Variants in CSMD1 observed in about 807,000 individuals in gnomAD.
CSMD1 encodes CUB and Sushi multiple domains 1.
A neutral mutation model predicts 417.5 loss-of-function variants in CSMD1; 213 were observed. The observed-to-expected ratio is 0.51, with a 90% CI of 0.46 to 0.57. The LOEUF is 0.57. Ranked by LOEUF, CSMD1 falls within the 20% of genes least tolerant of loss-of-function variation. The pLI, the probability that CSMD1 is intolerant of heterozygous loss-of-function variation, is 0.00. For synonymous variants in CSMD1, 2,862 were observed against 1,736.8 expected, an observed-to-expected ratio of 1.65 and a Z score of -16.11; for missense variants, 6,923 against 4,529.7, an observed-to-expected ratio of 1.53 and a Z score of -15.17.
chr8:3,242,485 A>T (rs914799511), intron 26 of CSMD1, among the ~76,000 whole-genome samples: 1 of 152,120 alleles, frequency 6.6e-6, no homozygotes, highest in Non-Finnish European at 1.5e-5. Flanking sequence ...CCATTTGCCC[A>T]TTCTATGCCA....
chr8:4,143,776 G>T lies in CSMD1; in HGVS notation c.416-111677C>A, dbSNP rs543771826. Among the ~76,000 whole-genome samples the T allele has an allele frequency of 1.1e-4, 16 of 151,384 alleles. No individual in the cohort carries two copies. The South Asian group carries it at 1.2e-3, about 12-fold the overall frequency. On this transcript the variant is annotated intron_variant, in intron 3 of 69. Coordinates refer to ENST00000635120, the MANE Select transcript of CSMD1 (RefSeq NM_033225.6). ...TATTAAAGCCAGAAAGCACTTCACAGGGTGGGAGGGGGCCCAAGCAAGCTG... is the reference window on the plus strand; with the variant it reads ...TATTAAAGCCAGAAAGCACTTCACATGGTGGGAGGGGGCCCAAGCAAGCTG...
At chr8:3,350,123 C>T (rs36175069) in intron 21 of CSMD1, among the ~76,000 whole-genome samples, 3,231 of 84,856 alleles carry the variant, frequency 0.038, 77 homozygotes, top group African/African-American at 0.079. Flanking sequence ...GTGTGTGTTA[C>T]AATACCTATA....
At chr8:3,485,762 A>AAAAATAAAATAAAATAAAATAAAAT (rs66605905) in intron 11 of CSMD1, among the ~76,000 whole-genome samples, 33 of 110,842 alleles carry the variant, frequency 3.0e-4, no homozygotes, top group African/African-American at 8.3e-4. Context: ...TCAGCCTCAA[A>AAAAATAAAATAAAATAAAATAAAAT]AAAATAAAAT....
chr8:4,243,269 G>T (rs1279271786), intron 3 of CSMD1, among the ~76,000 whole-genome samples: 1 of 152,134 alleles, frequency 6.6e-6, no homozygotes, highest in Non-Finnish European at 1.5e-5. Context: ...TTCTTACCTA[G>T]TCTCATGAAC....
chr8:3,914,544 A>T (rs1057223065), intron 5 of CSMD1, among the ~76,000 whole-genome samples: 1 of 152,316 alleles, frequency 6.6e-6, no homozygotes. Context: ...AAGTATCAAT[A>T]GTTTCCACTG....
At chr8:3,116,655 T>C (rs1242417963) in intron 42 of CSMD1, among the ~76,000 whole-genome samples, 2 of 152,206 alleles carry the variant, frequency 1.3e-5, no homozygotes, top group East Asian at 3.8e-4. Context: ...TTTTGTTATT[T>C]TCACACTGAC....
chr8:3,572,269 A>T (rs988385131), intron 10 of CSMD1, among the ~76,000 whole-genome samples: 1 of 152,186 alleles, frequency 6.6e-6, no homozygotes, highest in African/African-American at 2.4e-5. Context: ...CAGGCTTTGC[A>T]AACTCTGAGG....
At chr8:4,502,702 C>T (rs966858992) in intron 2 of CSMD1, among the ~76,000 whole-genome samples, 11 of 152,130 alleles carry the variant, frequency 7.2e-5, no homozygotes, top group Non-Finnish European at 5.9e-5. Flanking sequence ...ACTTTAGTTT[C>T]AGCCTCATCA....
intron 3 of CSMD1, among the ~76,000 whole-genome samples, chr8:4,199,456 C>A (rs1799524876): frequency 6.6e-6 from 1 of 152,084 alleles, no homozygotes; most frequent in African/African-American, 2.4e-5. Context: ...ATCTCAGTTT[C>A]CTGAGAAACT....
intron 2 of CSMD1, among the ~76,000 whole-genome samples, chr8:4,420,721 T>C (rs1027591544): frequency 6.6e-6 from 1 of 152,110 alleles, no homozygotes; most frequent in African/African-American, 2.4e-5. Context: ...CCCCGTGCAA[T>C]AGGCTGTGAG....
chr8:4,313,563 G>T (rs1417745172), intron 3 of CSMD1, among the ~76,000 whole-genome samples: 2 of 151,904 alleles, frequency 1.3e-5, no homozygotes, highest in South Asian at 2.1e-4. Flanking sequence ...CGTGTTATGG[G>T]AGGGAAAGAA....
At chr8:3,134,450 T>A (rs1326520267) in intron 41 of CSMD1, among the ~76,000 whole-genome samples, 2 of 152,186 alleles carry the variant, frequency 1.3e-5, no homozygotes, top group Non-Finnish European at 2.9e-5. Context: ...TTGGCGAGGC[T>A]ATTTTCACAG....
At position 4,122,437 on chromosome 8, in the gene CSMD1, T is replaced by C. The variant is rs565141471; in HGVS notation, c.416-90338A>G. On this transcript the variant is annotated intron_variant, in intron 3 of 69. Coordinates refer to ENST00000635120, the MANE Select transcript of CSMD1 (RefSeq NM_033225.6). ...TATGAACAACAAACCTCTGACGCAG[T>C]TAGCAATAGATCCAGGGTGGAAATG... 6.6e-5 allele frequency among the ~76,000 whole-genome samples: 10 copies of C among 152,256 alleles called. 1 individual carries two copies. The South Asian group carries it at 2.1e-3, about 32-fold the overall frequency.
intron 10 of CSMD1, among the ~76,000 whole-genome samples, chr8:3,548,945 G>A (rs1183402369): frequency 1.3e-5 from 2 of 152,024 alleles, no homozygotes; most frequent in Admixed American, 1.3e-4. Flanking sequence ...GTGTTCCTGT[G>A]CCTGTCCTGT....
intron 26 of CSMD1, among the ~76,000 whole-genome samples, chr8:3,239,407 G>A (rs138712524): frequency 1.6e-4 from 24 of 152,250 alleles, no homozygotes; most frequent in African/African-American, 5.8e-4. Flanking sequence ...AAATGACTAT[G>A]GTGGCCTTCT....
chr8:4,275,629 G>T (rs1194593254), intron 3 of CSMD1, among the ~76,000 whole-genome samples: 1 of 152,112 alleles, frequency 6.6e-6, no homozygotes, highest in Admixed American at 6.6e-5. Flanking sequence ...AAAAATTCAT[G>T]TGCACATCTT....
intron 2 of CSMD1, among the ~76,000 whole-genome samples, chr8:4,619,238 G>A (rs539315725): frequency 6.6e-6 from 1 of 152,056 alleles, no homozygotes; most frequent in African/African-American, 2.4e-5. Context: ...GTTTTTGAAA[G>A]ACTAATTACA....
intron 3 of CSMD1, among the ~76,000 whole-genome samples, chr8:4,326,907 A>G (rs1195892978): frequency 3.3e-5 from 5 of 152,162 alleles, no homozygotes; most frequent in African/African-American, 9.6e-5. Flanking sequence ...TATAGGAGGA[A>G]AAGTAAGTTA....
At chr8:4,294,889 A>G (rs796415015) in intron 3 of CSMD1, among the ~76,000 whole-genome samples, 77 of 151,926 alleles carry the variant, frequency 5.1e-4, no homozygotes, top group African/African-American at 1.8e-3. Flanking sequence ...GTAGCTGTCA[A>G]TGTGTATGGA....
Sources: allele counts gnomAD v4.1 joint callset (sites outside exome capture counted in the v4.1 genomes callset), GRCh38; gene constraint gnomAD v4.1.1; transcripts MANE v1.5; gene names NCBI Gene and HGNC (gene_info 2026-07-23, HGNC 2026-07-21).